The following NLRP8 variants were observed in gnomAD, a reference collection of about 807,000 sequenced individuals.
NLRP8 encodes NACHT, LRR and PYD domains-containing protein 8.
In NLRP8, 86 loss-of-function variants were observed where a neutral mutation model predicts 88.7. The ratio of observed to expected loss-of-function variants is 0.97; its 90% CI spans 0.81 to 1.16. The LOEUF is 1.16. Among genes scored for constraint, NLRP8 ranks in the 50% most tolerant of loss-of-function variants. The probability of loss-of-function intolerance (pLI) is 0.00; values close to 1 mark genes in which losing one functional copy is unlikely to be tolerated. For synonymous variants in NLRP8, 504 were observed against 494.6 expected (o/e 1.02, Z -0.25); for missense variants, 1,342 against 1,286.5 (o/e 1.04, Z -0.66).
At chr19:55,974,053 G>A (rs572223500) in intron 7 of NLRP8, among the ~76,000 whole-genome samples, 1 of 152,236 alleles carries the variant, frequency 6.6e-6, no homozygotes, top group East Asian at 1.9e-4. Context: ...ACACCCAGGA[G>A]TGAACTCAGA....
In NLRP8 at chr19:55,955,811, AG is replaced by A; in HGVS notation, c.1755del (p.Lys586AsnfsTer3). On this transcript the variant is annotated frameshift_variant, in exon 3 of 10. Coordinates refer to ENST00000291971, the MANE Select transcript of NLRP8 (RefSeq NM_176811.2). LOFTEE classifies it high-confidence loss of function. Reference sequence around the variant, plus strand: ...ATGCAAGGTGTCTTTCGGTAATAAGAGGAAACTGCTGAAAGTCATACCTCTG... The same window carrying A: ...ATGCAAGGTGTCTTTCGGTAATAAGAGAAACTGCTGAAAGTCATACCTCTG... 6.2e-7 allele frequency: 1 copy of A among 1,614,162 alleles called. No homozygotes were observed. The highest frequency in any genetic ancestry group is 8.5e-7 in the Non-Finnish European group (1 of 1,180,022).
chr19:55,950,469 T>A (rs1038569214), intron 1 of NLRP8, among the ~76,000 whole-genome samples: 3 of 151,904 alleles, frequency 2.0e-5, no homozygotes, highest in Admixed American at 6.6e-5. Context: ...ACGCAGTTGA[T>A]CCTCATTGTT....
chr19:55,987,106 C>T (rs1040480757), intron 9 of NLRP8, among the ~76,000 whole-genome samples: 16 of 152,208 alleles, frequency 1.1e-4, no homozygotes, highest in African/African-American at 1.7e-4. Flanking sequence ...CAGTGGCTCA[C>T]GCCTATAATC....
chr19:55,980,137 C>G lies in NLRP8; in HGVS notation c.3047+573C>G, dbSNP rs550695822. ...TTTCTTCATTTCTTCACCTTTTCTTCCTGAACAGCTGAGTTTGTTATCACT... is the reference window on the plus strand; with the variant it reads ...TTTCTTCATTTCTTCACCTTTTCTTGCTGAACAGCTGAGTTTGTTATCACT... On this transcript the variant is annotated intron_variant, in intron 9 of 9. Transcript: ENST00000291971. 2.6e-5 allele frequency among the ~76,000 whole-genome samples: 4 copies of G among 152,258 alleles called. No individual in the cohort carries two copies. The South Asian group carries it at 8.3e-4, about 32-fold the overall frequency.
rs771115974 is a variant in NLRP8, at chr19:55,955,627, C to T, written c.1569C>T (p.Phe523=). The change falls in exon 3 of 10, where the codon TTC becomes TTT. Residue 523 remains phenylalanine, a synonymous_variant. Transcript: ENST00000291971. Reference sequence around the variant, plus strand: ...CGGCCTTGTTTTATGTTCTCTGTTTCCCACAAAGACTCAAAAATTTTCATG... The same window carrying T: ...CGGCCTTGTTTTATGTTCTCTGTTTTCCACAAAGACTCAAAAATTTTCATG... 1 of 1,614,144 alleles carries T rather than the reference C, an allele frequency of 6.2e-7. No homozygotes were observed. Among genetic ancestry groups the T allele is most frequent in the Admixed American group, 1.7e-5 (1 of 60,004 alleles).
chr19:55,970,585 T>G lies in NLRP8; in HGVS notation c.2423T>G (p.Leu808Arg). 2.5e-6 allele frequency: 4 copies of G among 1,614,138 alleles called. No individual in the cohort carries two copies. Among genetic ancestry groups the G allele is most frequent in the Non-Finnish European group, 3.4e-6 (4 of 1,180,028 alleles). ...GCCACCCCTAGAATTTGGACTGATCTTGGCAATAATCTTCAAGGTAACGGG... is the reference window on the plus strand; with the variant it reads ...GCCACCCCTAGAATTTGGACTGATCGTGGCAATAATCTTCAAGGTAACGGG... Residue 808 changes from leucine to arginine, a missense_variant, in exon 6 of 10, where the codon CTT becomes CGT. Physicochemically the swap from Leu to Arg is moderately radical, Grantham distance 102 (BLOSUM62 -2). Coordinates refer to ENST00000291971, the MANE Select transcript of NLRP8 (RefSeq NM_176811.2).
rs182890867 is a variant in NLRP8 at position 55,975,703 on chromosome 19, A to G, written c.2706-430A>G. The stretch of plus-strand genomic sequence containing the variant: ...AAAAAGTCACATATTACATGATTCC[A>G]TTTAAATGACATGCCAAAAATAGGC... On this transcript the variant is annotated intron_variant, in intron 7 of 9. Coordinates refer to ENST00000291971, the MANE Select transcript of NLRP8 (RefSeq NM_176811.2). 2.6e-5 allele frequency among the ~76,000 whole-genome samples: 4 copies of G among 151,750 alleles called. No homozygotes were observed. In the East Asian group the frequency reaches 7.8e-4, roughly 30 times the overall value.
intron 2 of NLRP8, among the ~76,000 whole-genome samples, chr19:55,953,946 C>T (rs191784702): frequency 4.6e-4 from 70 of 150,868 alleles, no homozygotes; most frequent in Non-Finnish European, 7.8e-4. Flanking sequence ...GGATTACCGG[C>T]GTGTGCACCA....
In NLRP8 at chr19:55,952,506, C is replaced by A. The variant is rs764767378; in HGVS notation, c.368-32C>A. ...TCCCTGCTACCAAGATCTTATCATTCCCGTGGAACAGCCTCCTTTTTTCTG... is the reference window on the plus strand; with the variant it reads ...TCCCTGCTACCAAGATCTTATCATTACCGTGGAACAGCCTCCTTTTTTCTG... On this transcript the variant is annotated intron_variant, in intron 1 of 9. Coordinates refer to ENST00000291971, the MANE Select transcript of NLRP8 (RefSeq NM_176811.2). 70 of 1,577,680 alleles carry A rather than the reference C, an allele frequency of 4.4e-5. 1 individual carries two copies. The South Asian group carries it at 7.4e-4, about 17-fold the overall frequency.
At chr19:55,958,770 T>C (rs1041595293) in intron 3 of NLRP8, among the ~76,000 whole-genome samples, 2 of 152,200 alleles carry the variant, frequency 1.3e-5, no homozygotes, top group Non-Finnish European at 2.9e-5. Flanking sequence ...AGCCTGGTCT[T>C]GATCTCCTGG....
chr19:55,970,964 T>C (rs1600309703), intron 6 of NLRP8, among the ~76,000 whole-genome samples: 1 of 152,216 alleles, frequency 6.6e-6, no homozygotes, highest in African/African-American at 2.4e-5. Flanking sequence ...ATCCCGTTTA[T>C]GAAATAGAAC....
At chr19:55,980,316 C>T (rs937663097) in intron 9 of NLRP8, among the ~76,000 whole-genome samples, 1 of 152,174 alleles carries the variant, frequency 6.6e-6, no homozygotes, top group African/African-American at 2.4e-5. Context: ...CACATGTTCT[C>T]AACCAGTGGT....
chr19:55,987,506 G>A (rs1980904117), intron 9 of NLRP8, among the ~76,000 whole-genome samples: 2 of 152,306 alleles, frequency 1.3e-5, no homozygotes, highest in African/African-American at 2.4e-5. Context: ...CCGTAACTTA[G>A]TTATTGAAAT....
At chr19:55,982,991 C>A (rs1407371537) in intron 9 of NLRP8, among the ~76,000 whole-genome samples, 1 of 151,806 alleles carries the variant, frequency 6.6e-6, no homozygotes, top group African/African-American at 2.4e-5. Flanking sequence ...GAACAAGGAG[C>A]CTGATTGAAT....
intron 9 of NLRP8, among the ~76,000 whole-genome samples, chr19:55,985,127 C>G (rs988875850): frequency 6.6e-6 from 1 of 152,082 alleles, no homozygotes; most frequent in East Asian, 1.9e-4. Context: ...TATGGTGAAA[C>G]CCCGTCTCTA....
intron 3 of NLRP8, among the ~76,000 whole-genome samples, chr19:55,959,592 A>C (rs1212437948): frequency 6.6e-6 from 1 of 152,134 alleles, no homozygotes; most frequent in African/African-American, 2.4e-5. Flanking sequence ...CAGGGATATC[A>C]CTTCATATTT....
chr19:55,976,066 T>A, intron 7 of NLRP8, 67 bp from the exon 8 acceptor site: 3 of 1,178,990 alleles, frequency 2.5e-6, no homozygotes, highest in Non-Finnish European at 3.5e-6. Context: ...GTGTTTTCGT[T>A]GTTGTTGTTG....
At chr19:55,963,701 C>T (rs1247092252) in intron 4 of NLRP8, among the ~76,000 whole-genome samples, 2 of 152,050 alleles carry the variant, frequency 1.3e-5, no homozygotes, top group African/African-American at 4.8e-5. Context: ...AGGCATATCC[C>T]ACCATTGCCC....
At chr19:55,963,317 A>AT (rs879769281) in intron 4 of NLRP8, among the ~76,000 whole-genome samples, 1 of 152,126 alleles carries the variant, frequency 6.6e-6, no homozygotes, top group African/African-American at 2.4e-5. Flanking sequence ...CCCAGCCCCC[A>AT]TTTTTTAGCA....
Sources: allele counts gnomAD v4.1 joint callset (sites outside exome capture counted in the v4.1 genomes callset), GRCh38; gene constraint gnomAD v4.1.1; transcripts MANE v1.5; gene names NCBI Gene and HGNC (gene_info 2026-07-23, HGNC 2026-07-21).